The following SBF2 variants were observed in gnomAD, a reference collection of about 807,000 sequenced individuals.
SBF2 encodes myotubularin-related protein 13.
Under a neutral mutation model 225.2 loss-of-function variants are expected in SBF2, and 112 were observed. The ratio of observed to expected loss-of-function variants is 0.50; its 90% CI spans 0.43 to 0.58. The LOEUF (loss-of-function observed/expected upper bound fraction) is 0.58, where lower values mean the gene tolerates loss of function less well. Among genes scored for constraint, SBF2 ranks in the 20% least tolerant of loss-of-function variants. The pLI is 0.00. For missense variants in SBF2, 1,996 were observed against 2,206.2 expected (o/e 0.90, Z 1.91); for synonymous variants, 763 against 773.3 (o/e 0.99, Z 0.22).
chr11:9,968,744 T>C (rs753939197), intron 13 of SBF2, among the ~76,000 whole-genome samples, 199 bp from the exon 14 acceptor site: 1 of 152,218 alleles, frequency 6.6e-6, no homozygotes, highest in Non-Finnish European at 1.5e-5. Flanking sequence ...TTGGCATCTG[T>C]CTTCCTCTTC....
intron 1 of SBF2, among the ~76,000 whole-genome samples, chr11:10,203,204 G>A (rs187524861): frequency 3.9e-5 from 6 of 152,280 alleles, no homozygotes; most frequent in African/African-American, 1.4e-4. Flanking sequence ...TTAACAGGGA[G>A]AAAGAAGTTC....
At chr11:9,790,764 A>G in intron 33 of SBF2, 81 bp from the exon 34 acceptor site, 1 of 1,077,606 alleles carries the variant, frequency 9.3e-7, no homozygotes, top group Non-Finnish European at 1.4e-6. Context: ...TGCAGCAGAT[A>G]AAAAAGTGGA....
At chr11:9,932,867 T>C (rs867806532) in intron 16 of SBF2, among the ~76,000 whole-genome samples, 1 of 149,222 alleles carries the variant, frequency 6.7e-6, no homozygotes, top group Middle Eastern at 3.5e-3. Flanking sequence ...CCCATCGGTG[T>C]GCTCTATTCA....
intron 2 of SBF2, among the ~76,000 whole-genome samples, chr11:10,064,075 T>A (rs1221195832): frequency 6.6e-6 from 1 of 152,182 alleles, no homozygotes; most frequent in Non-Finnish European, 1.5e-5. Flanking sequence ...GCATAAGATT[T>A]TTTTTATTAT....
intron 17 of SBF2, among the ~76,000 whole-genome samples, chr11:9,863,102 C>T (rs769990940): frequency 2.0e-5 from 3 of 152,048 alleles, no homozygotes; most frequent in Non-Finnish European, 2.9e-5. Flanking sequence ...AAAAACAGCC[C>T]GTGAAGGTAC....
intron 17 of SBF2, among the ~76,000 whole-genome samples, chr11:9,865,046 G>C (rs1409225556): frequency 2.0e-5 from 3 of 152,114 alleles, no homozygotes; most frequent in Non-Finnish European, 4.4e-5. Flanking sequence ...GAGTAGCTGA[G>C]ACTACAGGTG....
intron 1 of SBF2, among the ~76,000 whole-genome samples, chr11:10,280,145 C>T (rs2135558050): frequency 6.6e-6 from 1 of 152,292 alleles, no homozygotes; most frequent in African/African-American, 2.4e-5. Context: ...AATGTCATAT[C>T]AGTGCTCAAA....
intron 1 of SBF2, among the ~76,000 whole-genome samples, chr11:10,197,238 T>C (rs933601434): frequency 2.0e-5 from 3 of 152,274 alleles, no homozygotes; most frequent in Middle Eastern, 3.4e-3. Context: ...GATAGATAGA[T>C]TGAGTTCTTT....
At chr11:10,023,580 T>C (rs574383836) in intron 6 of SBF2, among the ~76,000 whole-genome samples, 1 of 152,326 alleles carries the variant, frequency 6.6e-6, no homozygotes, top group African/African-American at 2.4e-5. Flanking sequence ...TTTGCCCCTA[T>C]GTGTTTGCCT....
At chr11:9,875,234 G>A (rs1447459547) in intron 17 of SBF2, among the ~76,000 whole-genome samples, 4 of 152,112 alleles carry the variant, frequency 2.6e-5, no homozygotes, top group Admixed American at 1.3e-4. Context: ...TAATTATCTG[G>A]TTAAAAATAA....
chr11:10,007,166 G>A (rs1337336923), intron 6 of SBF2, among the ~76,000 whole-genome samples: 1 of 152,200 alleles, frequency 6.6e-6, no homozygotes, highest in Non-Finnish European at 1.5e-5. Flanking sequence ...GCGTACCGAA[G>A]TTAAGGGTAC....
chr11:10,006,051 G>A (rs573442983), intron 6 of SBF2, among the ~76,000 whole-genome samples: 20 of 152,138 alleles, frequency 1.3e-4, no homozygotes, highest in African/African-American at 4.6e-4. Context: ...CAATGTCTGG[G>A]GTTTCCTCTG....
intron 2 of SBF2, among the ~76,000 whole-genome samples, chr11:10,047,097 T>C (rs961449683): frequency 5.3e-5 from 8 of 152,102 alleles, no homozygotes; most frequent in African/African-American, 1.9e-4. Context: ...TAAGGAAAAC[T>C]ATAACACTCT....
intron 32 of SBF2, among the ~76,000 whole-genome samples, chr11:9,802,450 T>C (rs1853546890): frequency 6.6e-6 from 1 of 152,260 alleles, no homozygotes; most frequent in South Asian, 2.1e-4. Flanking sequence ...TTAGTACTAA[T>C]GGACAAGCCT....
At chr11:9,791,907 C>T (rs766250606) in intron 33 of SBF2, among the ~76,000 whole-genome samples, 15 of 152,286 alleles carry the variant, frequency 9.8e-5, no homozygotes, top group Non-Finnish European at 1.9e-4. Context: ...GCTGTTGTAA[C>T]ATCTTGTAAT....
intron 1 of SBF2, among the ~76,000 whole-genome samples, chr11:10,237,125 T>C (rs1219303870): frequency 2.0e-5 from 3 of 151,876 alleles, no homozygotes; most frequent in African/African-American, 7.2e-5. Context: ...GGCGGGCAGA[T>C]CACCTGAGGC....
At chr11:10,237,819 T>C (rs1959136785) in intron 1 of SBF2, among the ~76,000 whole-genome samples, 1 of 152,196 alleles carries the variant, frequency 6.6e-6, no homozygotes, top group African/African-American at 2.4e-5. Context: ...CGGCCTTCTG[T>C]CACTATAGAT....
chr11:9,813,455 G>A (rs1564877090), intron 29 of SBF2, among the ~76,000 whole-genome samples: 3 of 152,190 alleles, frequency 2.0e-5, no homozygotes, highest in Non-Finnish European at 2.9e-5. Flanking sequence ...AGCCTCCCGA[G>A]TAGCTGGGAC....
intron 2 of SBF2, among the ~76,000 whole-genome samples, chr11:10,178,714 G>C (rs1252174254): frequency 5.6e-5 from 8 of 143,726 alleles, no homozygotes; most frequent in Non-Finnish European, 9.2e-5. Flanking sequence ...GAGAGGATGT[G>C]GAGAAATAGG....
Sources: gnomAD v4.1 joint callset for allele counts (sites outside exome capture counted in the v4.1 genomes callset) on GRCh38, gnomAD v4.1.1 for gene constraint, MANE v1.5 for transcripts, NCBI Gene and HGNC (gene_info 2026-07-23, HGNC 2026-07-21) for gene names.